NCKAP1: variants seen among roughly 807,000 people sequenced by gnomAD.
The protein encoded by NCKAP1 is NCK associated protein 1.
A neutral mutation model predicts 151.2 loss-of-function variants in NCKAP1; 21 were observed. The ratio of observed to expected loss-of-function variants is 0.14; its 90% CI spans 0.10 to 0.20. NCKAP1 has a LOEUF of 0.20. NCKAP1 is among the 10% of genes least tolerant of loss of function. The pLI is 1.00. For missense variants in NCKAP1, 933 were observed against 1,352.1 expected, an observed-to-expected ratio of 0.69 and a Z score of 4.86; for synonymous variants, 484 against 451.8, an observed-to-expected ratio of 1.07 and a Z score of -0.90.
intron 15 of NCKAP1, among the ~76,000 whole-genome samples, chr2:182,975,438 A>G (rs1157675390): frequency 2.6e-5 from 4 of 152,180 alleles, no homozygotes; most frequent in East Asian, 1.9e-4. Flanking sequence ...TTGGAAGGAA[A>G]GAACCTAAGA....
intron 10 of NCKAP1, among the ~76,000 whole-genome samples, chr2:182,984,324 A>G (rs1256572892): frequency 6.6e-6 from 1 of 152,100 alleles, no homozygotes; most frequent in East Asian, 1.9e-4. Flanking sequence ...ACATTCTCAC[A>G]TATTAACAGA....
chr2:182,965,021 AAAT>A (rs1380384742), intron 16 of NCKAP1, among the ~76,000 whole-genome samples: 1 of 152,160 alleles, frequency 6.6e-6, no homozygotes, highest in Non-Finnish European at 1.5e-5. Context: ...ACATTTTAAA[AAAT>A]AATAAACCAT....
At chr2:182,946,535 A>T (rs1380945769) in intron 23 of NCKAP1, among the ~76,000 whole-genome samples, 3 of 152,080 alleles carry the variant, frequency 2.0e-5, no homozygotes, top group Non-Finnish European at 4.4e-5. Context: ...TGCCAAACCC[A>T]TGACATGTCA....
At position 183,002,417 on chromosome 2, in the gene NCKAP1, C is replaced by G. The variant is rs1698391109; in HGVS notation, c.370-148G>C. The G allele has an allele frequency of 2.0e-5, 12 of 591,976 alleles. No homozygotes were observed. In the South Asian group the frequency reaches 3.2e-4, roughly 16 times the overall value. 36.7% of individuals were successfully genotyped at this position (591,976 alleles called of 1,614,324 possible). A position where few individuals can be genotyped will look rare whatever the true frequency, so the allele number is the denominator to read the frequency against. On this transcript the variant is annotated intron_variant, in intron 4 of 30. Transcript: ENST00000361354. ...AAATGCTAATTCCTTTCACTAAAAG[C>G]ACATCTAAAATTTGACAGTTACAGA...
chr2:182,954,570 A>G (rs1016546536), intron 20 of NCKAP1, among the ~76,000 whole-genome samples: 4 of 152,096 alleles, frequency 2.6e-5, no homozygotes, highest in African/African-American at 9.7e-5. Context: ...AAACCAACCC[A>G]CTAATATTCA....
chr2:182,954,523 T>C (rs1697284381), intron 20 of NCKAP1, among the ~76,000 whole-genome samples: 1 of 152,180 alleles, frequency 6.6e-6, no homozygotes, highest in African/African-American at 2.4e-5. Context: ...TAGTGTATAA[T>C]CCCTAAGTCC....
chr2:182,978,831 T>A lies in NCKAP1; in HGVS notation c.1423+3A>T. The A allele has an allele frequency of 6.5e-7, 1 of 1,538,692 alleles. No homozygotes were observed. Among genetic ancestry groups the A allele is most frequent in the Non-Finnish European group, 8.9e-7 (1 of 1,122,218 alleles). On this transcript the variant is annotated splice_donor_region_variant and intron_variant, in intron 14 of 30. Coordinates refer to ENST00000361354, the MANE Select transcript of NCKAP1 (RefSeq NM_013436.5). ...ATATGCTTTTATTTAAAAGGCTTATTACCTTGTTTTACACTTAGGGAAGTC... is the reference window on the plus strand; with the variant it reads ...ATATGCTTTTATTTAAAAGGCTTATAACCTTGTTTTACACTTAGGGAAGTC...
intron 2 of NCKAP1, among the ~76,000 whole-genome samples, 161 bp downstream of exon 2, chr2:183,023,645 C>T (rs1214764500): frequency 1.3e-5 from 2 of 151,772 alleles, no homozygotes; most frequent in Non-Finnish European, 2.9e-5. Context: ...TTTCCGGTCT[C>T]GGACATAAGA....
At chr2:183,031,906 C>G (rs1699011365) in intron 1 of NCKAP1, among the ~76,000 whole-genome samples, 2 of 152,196 alleles carry the variant, frequency 1.3e-5, no homozygotes, top group African/African-American at 4.8e-5. Context: ...TGCTAGTAGA[C>G]AGCCAATGTG....
At position 182,923,631 on chromosome 2, in the gene NCKAP1, T is replaced by G. The variant is rs1315402601; in HGVS notation, c.*2071A>C. ...TATTAAAAAGAATATTAAAGACATT[T>G]TTTCTACTACTGAGTGAAATAAGCA... On this transcript the variant is annotated 3_prime_UTR_variant, in exon 31 of 31. Coordinates refer to ENST00000361354, the MANE Select transcript of NCKAP1 (RefSeq NM_013436.5). The G allele has an allele frequency of 1.3e-5, 2 of 152,164 alleles. No individual in the cohort carries two copies. Among genetic ancestry groups the G allele is most frequent in the Non-Finnish European group, 2.9e-5 (2 of 68,030 alleles). 9.4% of individuals were successfully genotyped at this position (152,164 alleles called of 1,614,324 possible).
intron 24 of NCKAP1, among the ~76,000 whole-genome samples, chr2:182,938,637 G>A (rs1696930426): frequency 6.6e-6 from 1 of 152,110 alleles, no homozygotes; most frequent in Non-Finnish European, 1.5e-5. Flanking sequence ...CCAGTTTAAC[G>A]ACAGACTTAA....
intron 23 of NCKAP1, among the ~76,000 whole-genome samples, chr2:182,948,248 T>C (rs1423223733): frequency 2.6e-5 from 4 of 151,952 alleles, no homozygotes; most frequent in African/African-American, 2.4e-5. Context: ...TAATAAAATA[T>C]GGAAGTTATT....
intron 18 of NCKAP1, among the ~76,000 whole-genome samples, chr2:182,960,612 C>T (rs1287182667): frequency 6.6e-6 from 1 of 152,144 alleles, no homozygotes; most frequent in Non-Finnish European, 1.5e-5. Flanking sequence ...CATGTTAGAC[C>T]TAAAACCATA....
At chr2:182,948,321 C>A (rs1245222048) in intron 23 of NCKAP1, among the ~76,000 whole-genome samples, 1 of 151,874 alleles carries the variant, frequency 6.6e-6, no homozygotes, top group African/African-American at 2.4e-5. Flanking sequence ...AGAAAGCTAA[C>A]ATCAAAAGTT....
intron 15 of NCKAP1, among the ~76,000 whole-genome samples, chr2:182,968,232 G>C (rs1359898935): frequency 6.6e-6 from 1 of 152,222 alleles, no homozygotes; most frequent in East Asian, 1.9e-4. Context: ...GCATGACTGG[G>C]AAGGGAAAGG....
In NCKAP1 at chr2:182,925,020, T is replaced by C. The variant is rs2105794259; in HGVS notation, c.*682A>G. 6.6e-6 allele frequency: 1 copy of C among 152,252 alleles called. No homozygotes were observed. Among genetic ancestry groups the C allele is most frequent in the African/African-American group, 2.4e-5 (1 of 41,574 alleles). The allele number at this position is 152,252 out of a possible 1,614,324, so 9.4% of individuals were successfully genotyped here. A position where few individuals can be genotyped will look rare whatever the true frequency, so the allele number is the denominator to read the frequency against. On this transcript the variant is annotated 3_prime_UTR_variant, in exon 31 of 31. Coordinates refer to ENST00000361354, the MANE Select transcript of NCKAP1 (RefSeq NM_013436.5). The stretch of plus-strand genomic sequence containing the variant: ...GATAAATGTCTAAGATTGTTTATTA[T>C]ACAGCAGGGTACAATGGTAGTGCTA...
At chr2:183,007,147 ATAAG>A (rs1698493111) in intron 2 of NCKAP1, among the ~76,000 whole-genome samples, 1 of 152,246 alleles carries the variant, frequency 6.6e-6, no homozygotes, top group Non-Finnish European at 1.5e-5. Context: ...TGCTGGGATT[ATAAG>A]CATGAGCCAC....
Position 182,979,010 on chromosome 2 carries a change from C to T in NCKAP1, c.1342-95G>A, listed in dbSNP as rs1697883321. On this transcript the variant is annotated intron_variant, in intron 13 of 30. Transcript: ENST00000361354. Reference sequence around the variant, plus strand: ...TGGACGGATAAACAAACTGGTATACCCATACTATGGAATATTTTTCAGTAA... The same window carrying T: ...TGGACGGATAAACAAACTGGTATACTCATACTATGGAATATTTTTCAGTAA... The T allele has an allele frequency of 1.1e-5, 7 of 618,380 alleles. No homozygotes were observed. The South Asian group carries it at 1.7e-4, about 15-fold the overall frequency. The allele number at this position is 618,380 out of a possible 1,614,324, so 38.3% of individuals were successfully genotyped here.
At chr2:182,957,700 CACA>C in intron 18 of NCKAP1, 104 bp from the exon 19 acceptor site, 2 of 1,207,738 alleles carry the variant, frequency 1.7e-6, no homozygotes, top group Non-Finnish European at 2.3e-6. Flanking sequence ...TTGCAAATAT[CACA>C]ACAATATTAA....
Sources: allele counts gnomAD v4.1 joint callset (sites outside exome capture counted in the v4.1 genomes callset), GRCh38; gene constraint gnomAD v4.1.1; transcripts MANE v1.5; gene names NCBI Gene and HGNC (gene_info 2026-07-23, HGNC 2026-07-21).